XKR6: variants seen among roughly 807,000 people sequenced by gnomAD.
XKR6 encodes the protein XK related 6, also known as XK-related protein 6.
Under a neutral mutation model 56.7 loss-of-function variants are expected in XKR6, and 22 were observed. The observed-to-expected ratio is 0.39, with a 90% CI of 0.28 to 0.55. The LOEUF (loss-of-function observed/expected upper bound fraction) is 0.55. Among genes scored for constraint, XKR6 ranks in the 20% least tolerant of loss-of-function variants. XKR6 has a pLI of 0.66. For synonymous variants in XKR6, 524 were observed against 387.8 expected, an observed-to-expected ratio of 1.35 and a Z score of -4.13; for missense variants, 852 against 889.0, an observed-to-expected ratio of 0.96 and a Z score of 0.53.
intron 1 of XKR6, among the ~76,000 whole-genome samples, chr8:11,041,343 G>A (rs1456651527): frequency 2.6e-5 from 4 of 152,136 alleles, no homozygotes; most frequent in South Asian, 2.1e-4. Context: ...GGATCACAAG[G>A]TCAGGAGTTT....
chr8:11,075,134 A>G (rs1371269477), intron 1 of XKR6, among the ~76,000 whole-genome samples: 4 of 152,154 alleles, frequency 2.6e-5, no homozygotes, highest in Non-Finnish European at 4.4e-5. Flanking sequence ...GGAGCCCATC[A>G]TGTGGGGAGC....
intron 1 of XKR6, among the ~76,000 whole-genome samples, chr8:11,131,933 A>G (rs1045036882): frequency 6.6e-6 from 1 of 152,170 alleles, no homozygotes; most frequent in African/African-American, 2.4e-5. Flanking sequence ...TTGGCACAAG[A>G]CTGCCTATGC....
chr8:11,192,525 G>C (rs1050166053), intron 1 of XKR6, among the ~76,000 whole-genome samples: 22 of 151,854 alleles, frequency 1.4e-4, no homozygotes, highest in African/African-American at 4.8e-4. Flanking sequence ...ATAGGCAAGG[G>C]AACTGCTTGA....
At chr8:11,062,692 G>T in intron 1 of XKR6, 1 of 453,754 alleles carries the variant, frequency 2.2e-6, no homozygotes, top group Non-Finnish European at 4.4e-6. Flanking sequence ...TTTTTAGTTA[G>T]AGTTTCATCT....
intron 1 of XKR6, among the ~76,000 whole-genome samples, chr8:11,085,015 G>A (rs1797840495): frequency 6.6e-6 from 1 of 152,162 alleles, no homozygotes; most frequent in Admixed American, 6.5e-5. Context: ...TGCACCTGCA[G>A]TTTCCCACCC....
intron 1 of XKR6, among the ~76,000 whole-genome samples, chr8:11,020,456 G>A (rs1486511204): frequency 1.3e-5 from 2 of 152,232 alleles, no homozygotes; most frequent in East Asian, 1.9e-4. Flanking sequence ...GACCTCACCT[G>A]TAAACGGTGC....
chr8:11,036,652 A>T (rs1799151626), intron 1 of XKR6, among the ~76,000 whole-genome samples: 1 of 152,236 alleles, frequency 6.6e-6, no homozygotes, highest in African/African-American at 2.4e-5. Flanking sequence ...ACTGCTCTCA[A>T]GAGTTGGGGG....
Position 11,009,024 on chromosome 8 carries a change from T to A in XKR6, c.765-84194A>T, listed in dbSNP as rs182271811. 1.1e-4 allele frequency among the ~76,000 whole-genome samples: 17 copies of A among 149,740 alleles called. No individual in the cohort carries two copies. In the Admixed American group the frequency reaches 1.1e-3, roughly 10 times the overall value. On this transcript the variant is annotated intron_variant, in intron 1 of 2. Transcript: ENST00000416569. ...TGTCTAAAGTGGCATATAGGGGTGT[T>A]GTTACCACAGACAAAAAGCCAGGCC...
chr8:10,915,346 A>AGCC (rs34809001), intron 2 of XKR6, among the ~76,000 whole-genome samples: 78,422 of 151,836 alleles, frequency 0.52, 21,645 homozygotes, highest in African/African-American at 0.65. Flanking sequence ...CCGTTGTCAG[A>AGCC]GCCCCCATGA....
chr8:11,065,625 C>T (rs958914714), intron 1 of XKR6, among the ~76,000 whole-genome samples: 27 of 151,854 alleles, frequency 1.8e-4, no homozygotes, highest in African/African-American at 5.8e-4. Flanking sequence ...GAGACAGCCT[C>T]GAGAAGGTTA....
intron 1 of XKR6, among the ~76,000 whole-genome samples, chr8:10,965,792 T>A (rs943187110): frequency 2.0e-5 from 3 of 152,238 alleles, no homozygotes; most frequent in African/African-American, 7.2e-5. Context: ...TGAACAGATG[T>A]TCTTGCTTCC....
chr8:10,910,385 A>G (rs1372973673), intron 2 of XKR6, among the ~76,000 whole-genome samples: 4 of 152,148 alleles, frequency 2.6e-5, no homozygotes, highest in Admixed American at 2.0e-4. Flanking sequence ...ACGGGCCTGG[A>G]GGTACAGATG....
At chr8:10,911,236 G>GTA (rs1554508114) in intron 2 of XKR6, among the ~76,000 whole-genome samples, 13 of 123,960 alleles carry the variant, frequency 1.0e-4, no homozygotes, top group African/African-American at 2.8e-4. Context: ...GTGTGTGTGT[G>GTA]TATAGAGAGA....
At chr8:11,124,993 G>A (rs1799691957) in intron 1 of XKR6, among the ~76,000 whole-genome samples, 1 of 150,894 alleles carries the variant, frequency 6.6e-6, no homozygotes, top group South Asian at 2.1e-4. Context: ...GGAGGCTGAG[G>A]CAGGAGAATG....
At chr8:11,065,516 A>G (rs1799953579) in intron 1 of XKR6, among the ~76,000 whole-genome samples, 1 of 151,716 alleles carries the variant, frequency 6.6e-6, no homozygotes, top group African/African-American at 2.4e-5. Flanking sequence ...TATCAGCCAC[A>G]CCAACTGCAG....
intron 1 of XKR6, among the ~76,000 whole-genome samples, chr8:11,121,838 T>C (rs1799472007): frequency 1.3e-5 from 2 of 152,176 alleles, no homozygotes; most frequent in South Asian, 4.1e-4. Context: ...ATATACACAA[T>C]GGAATACTAT....
chr8:11,039,783 C>T (rs1388495142), intron 1 of XKR6, among the ~76,000 whole-genome samples: 3 of 152,312 alleles, frequency 2.0e-5, no homozygotes, highest in South Asian at 2.1e-4. Context: ...GTGCACGTCC[C>T]GGCCCTACCT....
chr8:11,019,237 T>C (rs767192048), intron 1 of XKR6, among the ~76,000 whole-genome samples: 12 of 152,202 alleles, frequency 7.9e-5, no homozygotes, highest in Non-Finnish European at 1.5e-4. Flanking sequence ...TGTGAATTGC[T>C]TGGCACTGAC....
In XKR6 at chr8:10,898,415, A is replaced by T; in HGVS notation, c.1463T>A (p.Ile488Asn). The change falls in exon 3 of 3, where the codon ATC becomes AAC. Residue 488 changes from isoleucine (I) to asparagine (N), a missense_variant. Physicochemically the swap from Ile to Asn is moderately radical, Grantham distance 149. This residue lies in a region of XKR6 where 197 missense variants were observed against 190.9 expected (regional missense o/e 1.03). Coordinates refer to ENST00000416569, the MANE Select transcript of XKR6 (RefSeq NM_173683.4). This position sits in a 1 kb window ranked among gnomAD's most constrained non-coding sequence, Gnocchi z 6.6. ...CCVFISFVAG[I>N]AMMLLYYGVL... Reference sequence around the variant, plus strand: ...GCCATAGTATAAGAGCATCATTGCGATCCCAGCCACAAAGCTAATAAAGAC... The same window carrying T: ...GCCATAGTATAAGAGCATCATTGCGTTCCCAGCCACAAAGCTAATAAAGAC... The T allele has an allele frequency of 6.2e-7, 1 of 1,614,074 alleles. No homozygotes were observed. The highest frequency in any genetic ancestry group is 8.5e-7 in the Non-Finnish European group (1 of 1,180,016).
Sources: allele counts gnomAD v4.1 joint callset (sites outside exome capture counted in the v4.1 genomes callset), GRCh38; gene constraint gnomAD v4.1.1; regional missense constraint gnomAD v4.1.1; non-coding constraint Gnocchi (gnomAD v3.1); transcripts MANE v1.5; gene names NCBI Gene and HGNC (gene_info 2026-07-23, HGNC 2026-07-21).